ATP2B2: variants seen among roughly 807,000 people sequenced by gnomAD.
ATP2B2 encodes ATPase plasma membrane Ca2+ transporting 2.
ATP2B2 carries 15 observed loss-of-function variants against 120.0 expected under a neutral mutation model. That is an observed-to-expected ratio of 0.12 (90% CI 0.08 to 0.19). ATP2B2 has a LOEUF of 0.19. ATP2B2 is among the 10% of genes least tolerant of loss of function. The probability of loss-of-function intolerance (pLI) is 1.00; values close to 1 mark genes in which losing one functional copy is unlikely to be tolerated. For synonymous variants in ATP2B2, 694 were observed against 700.3 expected (o/e 0.99, Z 0.14); for missense variants, 1,045 against 1,719.8 (o/e 0.61, Z 6.94).
chr3:10,500,747 A>G (rs1039222205), intron 1 of ATP2B2, among the ~76,000 whole-genome samples: 9 of 152,202 alleles, frequency 5.9e-5, no homozygotes, highest in African/African-American at 2.2e-4. Context: ...CAGAAGTGGG[A>G]GACAATACAC....
chr3:10,445,633 G>A (rs559345877), intron 2 of ATP2B2, among the ~76,000 whole-genome samples: 3 of 152,228 alleles, frequency 2.0e-5, no homozygotes, highest in South Asian at 4.1e-4. Flanking sequence ...CTGGGTGAGC[G>A]CTGATTCCCT....
intron 1 of ATP2B2, among the ~76,000 whole-genome samples, chr3:10,676,226 T>C: frequency 6.6e-6 from 1 of 152,148 alleles, no homozygotes; most frequent in East Asian, 1.9e-4. Flanking sequence ...GACCCCAGTC[T>C]CTGGAACTTG....
rs1185078490 is a variant in ATP2B2, at chr3:10,360,241, GC to G, written c.1660-119del. On this transcript the variant is annotated intron_variant, in intron 12 of 22. Transcript: ENST00000360273. ...AGGTGGTCTCTGGGCTGGGGGCTGA[GC>G]CCTCAGGGAGCCCTTGGCCCATCCC... The G allele has an allele frequency of 4.1e-6, 6 of 1,452,748 alleles. No individual in the cohort carries two copies. In the Admixed American group the frequency reaches 1.6e-4, roughly 38 times the overall value. 90.0% of individuals were successfully genotyped at this position (1,452,748 alleles called of 1,614,324 possible). A position where few individuals can be genotyped will look rare whatever the true frequency, so the allele number is the denominator to read the frequency against.
At chr3:10,666,069 C>T (rs996445309) in intron 1 of ATP2B2, among the ~76,000 whole-genome samples, 2 of 152,192 alleles carry the variant, frequency 1.3e-5, no homozygotes, top group African/African-American at 2.4e-5. Context: ...GGGACAGAAT[C>T]GAGTTCACCT....
Position 10,324,050 on chromosome 3 carries a change from A to G in ATP2B2, c.*4764T>C, listed in dbSNP as rs1333421372. On this transcript the variant is annotated 3_prime_UTR_variant, in exon 23 of 23. Transcript: ENST00000360273. ...CATTTCCACGTGTGCATTTATTGTT[A>G]TTGCTCAGTATAGTGTTGAAAAGGC... 1 of 152,046 alleles carries G rather than the reference A, an allele frequency of 6.6e-6. No homozygotes were observed. The highest frequency in any genetic ancestry group is 6.5e-5 in the Admixed American group (1 of 15,272). The allele number at this position is 152,046 out of a possible 1,614,324, so 9.4% of individuals were successfully genotyped here.
chr3:10,325,547 A>C lies in ATP2B2; in HGVS notation c.*3267T>G, dbSNP rs1347304144. 6.6e-6 allele frequency: 1 copy of C among 152,140 alleles called. No individual in the cohort carries two copies. The highest frequency in any genetic ancestry group is 1.5e-5 in the Non-Finnish European group (1 of 68,028). 9.4% of individuals were successfully genotyped at this position (152,140 alleles called of 1,614,324 possible). On this transcript the variant is annotated 3_prime_UTR_variant, in exon 23 of 23. Transcript: ENST00000360273. ...AGACAGGTTCAGAGTCCTTTGAGCC[A>C]GTGCAGTCATTTTAATTGGTCCAGT... is the stretch of plus-strand genomic sequence containing the variant.
intron 2 of ATP2B2, among the ~76,000 whole-genome samples, chr3:10,570,722 C>G (rs1467799061): frequency 6.6e-6 from 1 of 152,166 alleles, no homozygotes; most frequent in Non-Finnish European, 1.5e-5. Context: ...ACAAGTCAGT[C>G]CCTGCTGGAA....
At chr3:10,389,430 G>A (rs2061780240) in intron 5 of ATP2B2, among the ~76,000 whole-genome samples, 1 of 152,220 alleles carries the variant, frequency 6.6e-6, no homozygotes, top group African/African-American at 2.4e-5. Flanking sequence ...TAAAGAGAAA[G>A]AAACTTGAAC....
At chr3:10,447,945 A>G (rs1323712842) in intron 2 of ATP2B2, among the ~76,000 whole-genome samples, 1 of 152,266 alleles carries the variant, frequency 6.6e-6, no homozygotes, top group Non-Finnish European at 1.5e-5. Flanking sequence ...CAATGTGGGA[A>G]GAAGAACCAG....
At chr3:10,470,744 G>A (rs17032943) in intron 1 of ATP2B2, among the ~76,000 whole-genome samples, 38,541 of 152,094 alleles carry the variant, frequency 0.25, 5,273 homozygotes, top group Non-Finnish European at 0.28. Flanking sequence ...AGCGTGGTGA[G>A]ATTTCCAGGG....
chr3:10,501,243 C>T (rs2066375348), intron 1 of ATP2B2, among the ~76,000 whole-genome samples: 1 of 152,194 alleles, frequency 6.6e-6, no homozygotes, highest in Non-Finnish European at 1.5e-5. Context: ...CTTTTACCGT[C>T]ACTCCCGCTT....
At chr3:10,480,353 A>G (rs1575359220) in intron 1 of ATP2B2, among the ~76,000 whole-genome samples, 1 of 152,128 alleles carries the variant, frequency 6.6e-6, no homozygotes, top group South Asian at 2.1e-4. Context: ...CGCTCCATAA[A>G]TGACCTTGAC....
At chr3:10,692,218 T>A (rs1490756552) in intron 1 of ATP2B2, among the ~76,000 whole-genome samples, 1 of 152,190 alleles carries the variant, frequency 6.6e-6, no homozygotes, top group Admixed American at 6.5e-5. Context: ...TCAATTTCTG[T>A]TCAAAGGGCA....
At chr3:10,656,724 T>C (rs1190710072) in intron 1 of ATP2B2, among the ~76,000 whole-genome samples, 1 of 152,226 alleles carries the variant, frequency 6.6e-6, no homozygotes, top group East Asian at 1.9e-4. Flanking sequence ...GTCTGATGAC[T>C]AGAGATGTTA....
chr3:10,589,266 G>A (rs918945884), intron 2 of ATP2B2, among the ~76,000 whole-genome samples: 19 of 152,198 alleles, frequency 1.2e-4, no homozygotes, highest in Non-Finnish European at 2.1e-4. Context: ...GAAGGCTAGA[G>A]ACCCACTATA....
In ATP2B2 at chr3:10,358,782, C is replaced by T; in HGVS notation, c.2045G>A (p.Ser682Asn). Reference sequence around the variant, plus strand: ...CTCATTGTCCCAGTCCGGCTCCGGGCTGCTGGGGAAGTCGCGGTAGGCCAC... The same window carrying T: ...CTCATTGTCCCAGTCCGGCTCCGGGTTGCTGGGGAAGTCGCGGTAGGCCAC... ...ICVAYRDFPS[S>N]PEPDWDNEND... The change falls in exon 14 of 23, where the codon AGC (serine) becomes AAC (asparagine). Residue 682 changes from serine to asparagine, a missense_variant. Coordinates refer to ENST00000360273, the MANE Select transcript of ATP2B2 (RefSeq NM_001001331.4). 6.2e-7 allele frequency: 1 copy of T among 1,614,264 alleles called. No individual in the cohort carries two copies.
chr3:10,600,161 C>T (rs1191502640), intron 2 of ATP2B2, among the ~76,000 whole-genome samples: 7 of 152,236 alleles, frequency 4.6e-5, no homozygotes, highest in Non-Finnish European at 8.8e-5. Flanking sequence ...CTAGCTCTGC[C>T]CTGAGCCCCT....
chr3:10,620,083 C>T (rs906802416), intron 1 of ATP2B2: 1 of 152,204 alleles, frequency 6.6e-6, no homozygotes, highest in Non-Finnish European at 1.5e-5. Context: ...GAGCCAATCC[C>T]AGTATAGAAA....
chr3:10,429,945 A>G (rs2063264543), intron 2 of ATP2B2, among the ~76,000 whole-genome samples: 1 of 152,222 alleles, frequency 6.6e-6, no homozygotes, highest in Admixed American at 6.5e-5. Context: ...CCAAAGCCTA[A>G]TCCAGAAGCC....
Sources: allele counts gnomAD v4.1 joint callset (sites outside exome capture counted in the v4.1 genomes callset), GRCh38; gene constraint gnomAD v4.1.1; transcripts MANE v1.5; gene names NCBI Gene and HGNC (gene_info 2026-07-23, HGNC 2026-07-21).